Variants in DNAH3 observed in about 807,000 individuals in gnomAD.
DNAH3 encodes the protein axonemal beta dynein heavy chain 3.
Under a neutral mutation model 432.5 loss-of-function variants are expected in DNAH3, and 332 were observed. That is an observed-to-expected ratio of 0.77 (90% CI 0.70 to 0.84). The LOEUF is 0.84. Ranked by LOEUF, DNAH3 falls within the 40% of genes least tolerant of loss-of-function variation. DNAH3 has a pLI of 0.00. For synonymous variants in DNAH3, 1,956 were observed against 1,900.2 expected (o/e 1.03, Z -0.76); for missense variants, 4,861 against 5,114.0 (o/e 0.95, Z 1.51).
chr16:21,003,688 T>C (rs551830921), intron 41 of DNAH3, among the ~76,000 whole-genome samples: 1 of 152,184 alleles, frequency 6.6e-6, no homozygotes, highest in East Asian at 1.9e-4. Flanking sequence ...GGCAGGAGGA[T>C]CACTCAAACC....
At chr16:21,136,886 G>A (rs2092650334) in intron 5 of DNAH3, among the ~76,000 whole-genome samples, 1 of 152,136 alleles carries the variant, frequency 6.6e-6, no homozygotes, top group South Asian at 2.1e-4. Context: ...TGTAATCTCA[G>A]CATTTTGGGA....
At chr16:21,102,550 G>A (rs542141325) in intron 16 of DNAH3, among the ~76,000 whole-genome samples, 42 of 152,252 alleles carry the variant, frequency 2.8e-4, no homozygotes, top group African/African-American at 9.6e-4. Context: ...CACCATGAGA[G>A]AGGGTCTGAT....
At chr16:20,975,138 C>T in intron 51 of DNAH3, 95 bp downstream of exon 51, 1 of 1,466,154 alleles carries the variant, frequency 6.8e-7, no homozygotes, top group Non-Finnish European at 9.3e-7. Context: ...GCCTTGCCTA[C>T]CCTTTCTGAG....
chr16:21,097,696 GGTCT>G (rs1220373201), intron 17 of DNAH3, among the ~76,000 whole-genome samples, 197 bp from the exon 18 acceptor site: 1 of 152,142 alleles, frequency 6.6e-6, no homozygotes, highest in African/African-American at 2.4e-5. Flanking sequence ...TGGCAGCTGA[GGTCT>G]GTCTGGTTGA....
At chr16:21,053,025 T>C (rs1264114141) in intron 28 of DNAH3, among the ~76,000 whole-genome samples, 2 of 151,966 alleles carry the variant, frequency 1.3e-5, no homozygotes, top group East Asian at 1.9e-4. Flanking sequence ...AGTTGAAGAG[T>C]GGATCTAGGC....
In DNAH3 at chr16:20,948,654, G is replaced by T; in HGVS notation, c.11189-17C>A. ...TACATTCCCCTGGGGACAACCAACA[G>T]AAGGAGAGGTTGAGCCCAGGGAAGG... On this transcript the variant is annotated splice_polypyrimidine_tract_variant and intron_variant, in intron 56 of 61. Transcript: ENST00000261383. 1 of 1,613,878 alleles carries T rather than the reference G, an allele frequency of 6.2e-7. No individual in the cohort carries two copies. The highest frequency in any genetic ancestry group is 8.5e-7 in the Non-Finnish European group (1 of 1,179,896).
exon 25 of DNAH3, chr16:21,062,682 A>C (rs748019631): frequency 6.2e-7 from 1 of 1,610,250 alleles, no homozygotes; most frequent in East Asian, 2.2e-5. Context: ...AGGAAGAAGA[A>C]TCTATTTCAA....
chr16:21,084,180 C>A (rs1264264476), intron 19 of DNAH3, among the ~76,000 whole-genome samples: 2 of 152,138 alleles, frequency 1.3e-5, no homozygotes, highest in Admixed American at 1.3e-4. Flanking sequence ...TAATAATAAT[C>A]TCCACTTCAA....
intron 40 of DNAH3, 35 bp downstream of exon 40, chr16:21,021,936 C>T (rs771858886): frequency 2.5e-6 from 4 of 1,610,734 alleles, no homozygotes; most frequent in African/African-American, 1.3e-5. Context: ...TAGACCCACC[C>T]CCCATGTGGC....
In DNAH3 at chr16:21,040,133, A is replaced by T. The variant is rs2089365203; in HGVS notation, c.4639-190T>A. Among the ~76,000 whole-genome samples, 3 of 151,820 alleles carry T rather than the reference A, an allele frequency of 2.0e-5. No homozygotes were observed. In the South Asian group the frequency reaches 6.3e-4, roughly 32 times the overall value. On this transcript the variant is annotated intron_variant, in intron 32 of 61. Transcript: ENST00000261383. ...GGTGGGCCAATGCATGGCTCAACCA[A>T]CCTCCCCACTGGCCCTATGCGGGTA...
chr16:20,991,976 A>C (rs2086577745), intron 44 of DNAH3, among the ~76,000 whole-genome samples: 1 of 152,166 alleles, frequency 6.6e-6, no homozygotes, highest in African/African-American at 2.4e-5. Flanking sequence ...TTTTCATGAG[A>C]TACTTCCCCT....
rs118064353 is a variant in DNAH3, at chr16:21,037,622, G to T, written c.4950+139C>A. ...CTATCACTCTTATTATTTAACATTT[G>T]CAGGGAGGGTATCAGGTGGCAGAGA... On this transcript the variant is annotated intron_variant, in intron 34 of 61. Coordinates refer to ENST00000261383, the Ensembl canonical transcript of DNAH3. 1.1e-3 allele frequency: 760 copies of T among 664,166 alleles called. 7 individuals carry two copies. In the East Asian group the frequency reaches 0.012, roughly 10 times the overall value. 41.1% of individuals were successfully genotyped at this position (664,166 alleles called of 1,614,324 possible).
chr16:21,077,154 T>G (rs2091003707), intron 20 of DNAH3, among the ~76,000 whole-genome samples: 1 of 147,828 alleles, frequency 6.8e-6, no homozygotes, highest in Admixed American at 7.1e-5. Flanking sequence ...TTGCCCATAT[T>G]CTGATTTCTT....
At chr16:21,004,364 C>CTTTTTCT (rs1030807426) in intron 41 of DNAH3, among the ~76,000 whole-genome samples, 2 of 151,812 alleles carry the variant, frequency 1.3e-5, no homozygotes, top group African/African-American at 2.4e-5. Flanking sequence ...TCCTTTCTTT[C>CTTTTTCT]TTTTTCTTTT....
chr16:21,047,787 T>G (rs1453088972), intron 31 of DNAH3, among the ~76,000 whole-genome samples: 1 of 151,548 alleles, frequency 6.6e-6, no homozygotes, highest in African/African-American at 2.4e-5. Context: ...CTGTTCTGTT[T>G]TTTCCCCATC....
At position 21,156,195 on chromosome 16, in the gene DNAH3, AT is replaced by A. The variant is rs369290410; in HGVS notation, c.117+3129del. Among the ~76,000 whole-genome samples, 6 of 140,052 alleles carry A rather than the reference AT, an allele frequency of 4.3e-5. No homozygotes were observed. The East Asian group carries it at 1.2e-3, about 28-fold the overall frequency. The allele number at this position is 140,052 out of a possible 152,430, so 91.9% of individuals were successfully genotyped here. ...ATTTTATTTTATTTTATTTTATTTT[AT>A]TTTATTTATTTTATTTTATTTTATT... On this transcript the variant is annotated intron_variant, in intron 1 of 61. Transcript: ENST00000261383.
exon 46 of DNAH3, chr16:20,987,823 G>A (rs1269453040): frequency 3.1e-6 from 5 of 1,614,034 alleles, no homozygotes; most frequent in Non-Finnish European, 4.2e-6. Flanking sequence ...AATTGTCTTA[G>A]TAGCTTGGAC....
At position 21,097,561 on chromosome 16, in the gene DNAH3, C is replaced by T. The variant is rs1449487911; in HGVS notation, c.2521-62G>A. On this transcript the variant is annotated intron_variant, in intron 17 of 61. Coordinates refer to ENST00000261383, the Ensembl canonical transcript of DNAH3. ...TTGTTCTCCTAAGCCCTCGAAGACA[C>T]CAGGGCAAATTCCTCAGTGCCTTGA... 14 of 1,597,020 alleles carry T rather than the reference C, an allele frequency of 8.8e-6. No homozygotes were observed. In the East Asian group the frequency reaches 3.1e-4, roughly 36 times the overall value.
At chr16:20,966,247 C>T (rs1223085191) in intron 52 of DNAH3, among the ~76,000 whole-genome samples, 4 of 151,518 alleles carry the variant, frequency 2.6e-5, no homozygotes, top group Admixed American at 2.6e-4. Context: ...CCATGTTGGA[C>T]AGGCTGGTCT....
Sources: gnomAD v4.1 joint callset for allele counts (sites outside exome capture counted in the v4.1 genomes callset) on GRCh38, gnomAD v4.1.1 for gene constraint, MANE v1.5 for transcripts, NCBI Gene and HGNC (gene_info 2026-07-23, HGNC 2026-07-21) for gene names.